Variants in ANKRD36B observed in about 807,000 individuals in gnomAD.
ANKRD36B encodes ankyrin repeat domain-containing protein 36B.
Under a neutral mutation model 135.7 loss-of-function variants are expected in ANKRD36B, and 37 were observed. That is an observed-to-expected ratio of 0.27 (90% CI 0.21 to 0.36). The LOEUF is 0.36. ANKRD36B is among the 10% of genes least tolerant of loss of function. The pLI is 1.00. For synonymous variants in ANKRD36B, 179 were observed against 348.1 expected (o/e 0.51, Z 5.41); for missense variants, 549 against 1,037.1 (o/e 0.53, Z 6.46).
intron 22 of ANKRD36B, among the ~76,000 whole-genome samples, chr2:97,546,853 T>C (rs1309588646): frequency 6.6e-6 from 1 of 151,670 alleles, no homozygotes; most frequent in African/African-American, 2.4e-5. Flanking sequence ...CAACAAAATA[T>C]GTATCTCTGA....
chr2:97,551,435 A>C lies in ANKRD36B; in HGVS notation c.1302+17T>G. 1 of 1,606,664 alleles carries C rather than the reference A, an allele frequency of 6.2e-7. No individual in the cohort carries two copies. The highest frequency in any genetic ancestry group is 1.1e-5 in the South Asian group (1 of 90,940). ...TATACGTTTACTAGCTCACAATATAAATGAGAGTTTCATTACCTTCAAGGC... is the reference window on the plus strand; with the variant it reads ...TATACGTTTACTAGCTCACAATATACATGAGAGTTTCATTACCTTCAAGGC... On this transcript the variant is annotated intron_variant, in intron 17 of 43. Coordinates refer to ENST00000359901, the MANE Select transcript of ANKRD36B (RefSeq NM_001393939.1).
intron 18 of ANKRD36B, 88 bp downstream of exon 18, chr2:97,551,201 G>T (rs959996662): frequency 1.0e-4 from 154 of 1,491,880 alleles, no homozygotes; most frequent in Admixed American, 3.6e-4. Context: ...AGAATGTGCA[G>T]CTTCGACCAG....
intron 22 of ANKRD36B, among the ~76,000 whole-genome samples, chr2:97,546,119 C>G (rs2079438801): frequency 6.6e-6 from 1 of 151,666 alleles, no homozygotes; most frequent in Non-Finnish European, 1.5e-5. Flanking sequence ...AAAGCCCTGT[C>G]AATATCAATG....
At chr2:97,494,192 AAC>A (rs1162270976) in intron 43 of ANKRD36B, among the ~76,000 whole-genome samples, 1 of 96,444 alleles carries the variant, frequency 1.0e-5, no homozygotes, top group Admixed American at 9.3e-5. Context: ...AACACGGAAA[AAC>A]ACAAATTTTT....
chr2:97,533,400 C>T (rs1245716412), intron 34 of ANKRD36B, among the ~76,000 whole-genome samples: 1 of 96,448 alleles, frequency 1.0e-5, no homozygotes, highest in African/African-American at 3.1e-5. Flanking sequence ...AATCATGATC[C>T]TAAGACAGTA....
At position 97,546,033 on chromosome 2, in the gene ANKRD36B, G is replaced by C. The variant is rs138809328; in HGVS notation, c.1580-172C>G. On this transcript the variant is annotated intron_variant, in intron 22 of 43. Transcript: ENST00000359901. ...ACATGACAGAAATACACTGAAAAAA[G>C]GGAATACAGGCTCCATGAAATATAT... Among the ~76,000 whole-genome samples the C allele has an allele frequency of 6.6e-3, 997 of 151,576 alleles. 52 individuals are homozygous for C. In the East Asian group the frequency reaches 0.11, roughly 16 times the overall value.
intron 6 of ANKRD36B, among the ~76,000 whole-genome samples, chr2:97,563,174 A>C (rs367899097): frequency 5.9e-5 from 9 of 152,022 alleles, no homozygotes; most frequent in Non-Finnish European, 1.0e-4. Flanking sequence ...TTAAAAACTT[A>C]TTTAACTACA....
Position 97,580,502 on chromosome 2 carries a change from T to G in ANKRD36B, c.517A>C (p.Lys173Gln), listed in dbSNP as rs538494151. 9.7e-6 allele frequency: 15 copies of G among 1,548,260 alleles called. No homozygotes were observed. Among genetic ancestry groups the G allele is most frequent in the Non-Finnish European group, 1.3e-5 (15 of 1,144,692 alleles). The change falls in exon 4 of 44, where the codon AAG (lysine) becomes CAG (glutamine). Residue 173 changes from lysine to glutamine, a missense_variant. Coordinates refer to ENST00000359901, the MANE Select transcript of ANKRD36B (RefSeq NM_001393939.1). ...RKVKMVEFLL[K>Q]KKANVNAIDY... ...ATGGCATTTACATTTGCTTTTTTCT[T>G]TAATAAAAATTCCACCATTTTCACT...
chr2:97,585,195 T>A, intron 2 of ANKRD36B, 78 bp from the exon 3 acceptor site: 1 of 1,595,156 alleles, frequency 6.3e-7, no homozygotes, highest in Non-Finnish European at 8.6e-7. Context: ...CTACTAGTTA[T>A]ATGGTGGTAT....
intron 6 of ANKRD36B, among the ~76,000 whole-genome samples, chr2:97,569,871 A>G (rs2104868321): frequency 6.6e-6 from 1 of 152,296 alleles, no homozygotes; most frequent in South Asian, 2.1e-4. Flanking sequence ...ATAAAAGCAC[A>G]TAAAGCAAAT....
At position 97,504,580 on chromosome 2, in the gene ANKRD36B, T is replaced by TAGCTGGGCTACA. The variant is rs2077360543; in HGVS notation, c.*6+2455_*6+2456insTGTAGCCCAGCT. ...CTCTACTAAAAATACAAAAAAAAAC[T>TAGCTGGGCTACA]AGCTGGGCACCTGTAGTCGCAGCTA... On this transcript the variant is annotated intron_variant, in intron 43 of 43. Transcript: ENST00000359901. Among the ~76,000 whole-genome samples the TAGCTGGGCTACA allele has an allele frequency of 1.1e-4, 6 of 56,356 alleles. No individual in the cohort carries two copies. In the South Asian group the frequency reaches 1.6e-3, roughly 15 times the overall value. The allele number at this position is 56,356 out of a possible 152,430, so 37.0% of individuals were successfully genotyped here. A position where few individuals can be genotyped will look rare whatever the true frequency, so the allele number is the denominator to read the frequency against.
At chr2:97,539,926 GA>G (rs1441924346) in intron 30 of ANKRD36B, 107 bp downstream of exon 30, 1 of 481,674 alleles carries the variant, frequency 2.1e-6, no homozygotes, top group Admixed American at 3.4e-5. Flanking sequence ...CAGGTCTGCA[GA>G]ATCGGAATGT....
At chr2:97,567,626 T>C (rs2081544076) in intron 6 of ANKRD36B, among the ~76,000 whole-genome samples, 2 of 152,184 alleles carry the variant, frequency 1.3e-5, no homozygotes, top group African/African-American at 2.4e-5. Flanking sequence ...CAGTTACCCA[T>C]GGTCAACCAT....
rs1322813265 is a variant in ANKRD36B, at chr2:97,530,991, A to G, written c.2265+1320T>C. On this transcript the variant is annotated intron_variant, in intron 35 of 43. Transcript: ENST00000359901. ...AACTAGTTCAACCATTGTGGAAGTCAGTGTGGTGATTCCTCAGGGATCTAG... is the reference window on the plus strand; with the variant it reads ...AACTAGTTCAACCATTGTGGAAGTCGGTGTGGTGATTCCTCAGGGATCTAG... Among the ~76,000 whole-genome samples the G allele has an allele frequency of 1.4e-4, 13 of 96,282 alleles. 5 individuals are homozygous for G. The highest frequency in any genetic ancestry group is 2.8e-4 in the African/African-American group (9 of 32,134). The allele number at this position is 96,282 out of a possible 152,430, so 63.2% of individuals were successfully genotyped here.
chr2:97,494,099 C>A (rs2077275468), intron 43 of ANKRD36B, among the ~76,000 whole-genome samples: 1 of 106,922 alleles, frequency 9.4e-6, no homozygotes, highest in African/African-American at 2.6e-5. Context: ...GCAAATTCTG[C>A]ATTATCAGGT....
At chr2:97,553,442 T>C in intron 14 of ANKRD36B, 71 bp from the exon 15 acceptor site, 1 of 1,516,586 alleles carries the variant, frequency 6.6e-7, no homozygotes, top group Non-Finnish European at 9.1e-7. Flanking sequence ...TCATGCGGTG[T>C]TAGCATCAAG....
At chr2:97,510,889 TTAA>T in intron 39 of ANKRD36B, among the ~76,000 whole-genome samples, 1 of 151,862 alleles carries the variant, frequency 6.6e-6, no homozygotes, top group African/African-American at 2.4e-5. Context: ...GACTACATTA[TTAA>T]TGTTAGTCTA....
intron 1 of ANKRD36B, among the ~76,000 whole-genome samples, chr2:97,587,096 A>T (rs1011118992): frequency 6.6e-6 from 1 of 152,106 alleles, no homozygotes; most frequent in Non-Finnish European, 1.5e-5. Context: ...AATCACTTGA[A>T]CCTGAGAGGC....
chr2:97,585,819 T>A (rs531470876), intron 1 of ANKRD36B, among the ~76,000 whole-genome samples: 1 of 152,362 alleles, frequency 6.6e-6, no homozygotes, highest in South Asian at 2.1e-4. Context: ...ACATTTTAAT[T>A]AAGTAAAATG....
Sources: allele counts gnomAD v4.1 joint callset (sites outside exome capture counted in the v4.1 genomes callset), GRCh38; gene constraint gnomAD v4.1.1; transcripts MANE v1.5; gene names NCBI Gene and HGNC (gene_info 2026-07-23, HGNC 2026-07-21).